Variants in LRRC32 observed in about 807,000 individuals in gnomAD.
LRRC32 encodes the protein transforming growth factor beta activator LRRC32.
LRRC32 carries 5 observed loss-of-function variants against 15.0 expected under a neutral mutation model. That is an observed-to-expected ratio of 0.33 (90% confidence interval 0.17 to 0.70). The LOEUF (loss-of-function observed/expected upper bound fraction) is 0.70. Among genes scored for constraint, LRRC32 ranks in the 30% least tolerant of loss-of-function variants. The pLI is 0.66. For synonymous variants in LRRC32, 391 were observed against 403.9 expected, an observed-to-expected ratio of 0.97 and a Z score of 0.38; for missense variants, 803 against 854.2, an observed-to-expected ratio of 0.94 and a Z score of 0.75.
At chr11:76,665,334 G>C (rs533271773) in intron 2 of LRRC32, among the ~76,000 whole-genome samples, 13 of 152,136 alleles carry the variant, frequency 8.5e-5, no homozygotes, top group South Asian at 2.1e-4. Flanking sequence ...GATCAGACTA[G>C]GCCAGCCTGG....
In LRRC32 at chr11:76,660,105, C is replaced by T. The variant is rs570522536; in HGVS notation, c.1488G>A (p.Leu496=). 1.1e-5 allele frequency: 18 copies of T among 1,613,874 alleles called. No homozygotes were observed. In the East Asian group the frequency reaches 2.0e-4, roughly 18 times the overall value. Residue 496 remains leucine (L), a synonymous_variant, in exon 3 of 3, where the codon CTG becomes CTA. Transcript: ENST00000260061. ...CCATCAGCCCGTTGCCCTGCAGTGC[C>T]AGGACCTCCAAGGAGGCCTCCAGGC... The part of the protein sequence containing the change: ...LGGLEASLEV[L]ALQGNGLMVL...
Position 76,660,767 on chromosome 11 carries a change from GGTT to G in LRRC32, c.823_825del (p.Asn275del). ...GGTGGCCCTGTGGGGAGCCGGATGAGGTTGTTGGACAAGTTCAGGTAGATGAGT... is the reference window on the plus strand; with the variant it reads ...GGTGGCCCTGTGGGGAGCCGGATGAGGTTGGACAAGTTCAGGTAGATGAGT... On this transcript the variant is annotated inframe_deletion, in exon 3 of 3. Coordinates refer to ENST00000260061, the MANE Select transcript of LRRC32 (RefSeq NM_001128922.2). 1 of 1,614,142 alleles carries G rather than the reference GGTT, an allele frequency of 6.2e-7. No homozygotes were observed. The highest frequency in any genetic ancestry group is 8.5e-7 in the Non-Finnish European group (1 of 1,180,018).
intron 1 of LRRC32, among the ~76,000 whole-genome samples, chr11:76,667,055 A>G (rs11236843): frequency 0.13 from 20,116 of 152,210 alleles, 1,425 homozygotes; most frequent in African/African-American, 0.17. Context: ...TCTGAGCCTC[A>G]GTCTCCTCAT....
At chr11:76,666,918 CAGAG>C (rs374001114) in intron 1 of LRRC32, among the ~76,000 whole-genome samples, 3 of 152,222 alleles carry the variant, frequency 2.0e-5, no homozygotes, top group Admixed American at 2.0e-4. Flanking sequence ...GTGATACAGA[CAGAG>C]AGTCTTAAAG....
chr11:76,660,649 G>A lies in LRRC32; in HGVS notation c.944C>T (p.Ser315Phe), dbSNP rs776721737. Reference sequence around the variant, plus strand: ...GCTCAAATCCAGATTCAAGAGCTGGGAAAGGGGGCGGCCGCTGGCATTCCC... The same window carrying A: ...GCTCAAATCCAGATTCAAGAGCTGGAAAAGGGGGCGGCCGCTGGCATTCCC... ...PSGNASGRPL[S>F]QLLNLDLSYN... The change falls in exon 3 of 3, where the codon TCC becomes TTC. Residue 315 changes from serine (S) to phenylalanine (F), a missense_variant. Coordinates refer to ENST00000260061, the MANE Select transcript of LRRC32 (RefSeq NM_001128922.2). 9.9e-6 allele frequency: 16 copies of A among 1,614,042 alleles called. No individual in the cohort carries two copies. In the Admixed American group the frequency reaches 1.3e-4, roughly 13 times the overall value.
At position 76,661,221 on chromosome 11, in the gene LRRC32, T is replaced by C. The variant is rs779391100; in HGVS notation, c.372A>G (p.Pro124=). The change falls in exon 3 of 3, where the codon CCA becomes CCG. Residue 124 remains proline, a synonymous_variant. Coordinates refer to ENST00000260061, the MANE Select transcript of LRRC32 (RefSeq NM_001128922.2). ...CAGACAGGTCCAGGGAGGTCACGCG[T>C]GGCAGGGGGCCCAGGCCACCAGCAC... The part of the protein sequence containing the change: ...ALSAGGLGPL[P]RVTSLDLSGN... The C allele has an allele frequency of 3.1e-6, 5 of 1,613,790 alleles. No homozygotes were observed. The Admixed American group carries it at 8.3e-5, about 27-fold the overall frequency.
chr11:76,664,401 G>A (rs1205230752), intron 2 of LRRC32, among the ~76,000 whole-genome samples: 2 of 152,208 alleles, frequency 1.3e-5, no homozygotes, highest in African/African-American at 2.4e-5. Flanking sequence ...CTGACTTACC[G>A]TCGGAGGGAA....
At position 76,659,567 on chromosome 11, in the gene LRRC32, A is replaced by G; in HGVS notation, c.*37T>C. 1 of 1,593,352 alleles carries G rather than the reference A, an allele frequency of 6.3e-7. No homozygotes were observed. Among genetic ancestry groups the G allele is most frequent in the African/African-American group, 1.3e-5 (1 of 74,728 alleles). ...CAGTCCTCACTCTTCTCTGTACCTC[A>G]GGCTCCCCCACTGACCTAGAGTGTC... On this transcript the variant is annotated 3_prime_UTR_variant, in exon 3 of 3. Coordinates refer to ENST00000260061, the MANE Select transcript of LRRC32 (RefSeq NM_001128922.2).
In LRRC32 at chr11:76,660,716, G is replaced by A. The variant is rs770052705; in HGVS notation, c.877C>T (p.Pro293Ser). 10 of 1,614,024 alleles carry A rather than the reference G, an allele frequency of 6.2e-6. No homozygotes were observed. The East Asian group carries it at 2.0e-4, about 32-fold the overall frequency. The change falls in exon 3 of 3, where the codon CCT becomes TCT. Residue 293 changes from proline (P) to serine (S), a missense_variant. Pro to Ser is a moderately conservative substitution (Grantham distance 74). Coordinates refer to ENST00000260061, the MANE Select transcript of LRRC32 (RefSeq NM_001128922.2). ...GGCAGGGCTGACCAGCCCTCGGAAG[G>A]TGCGTGGATGCCCTTGCTGTCCTGG... ...PPQDSKGIHA[P>S]SEGWSALPLS...
intron 1 of LRRC32, among the ~76,000 whole-genome samples, chr11:76,668,276 C>A (rs1402716118): frequency 6.6e-6 from 1 of 152,148 alleles, no homozygotes; most frequent in Admixed American, 6.5e-5. Context: ...GACCCCGGAT[C>A]TTCCTACTTC....
rs540984588 is a variant in LRRC32 at position 76,659,931 on chromosome 11, A to G, written c.1662T>C (p.Ser554=). The change falls in exon 3 of 3, where the codon AGT becomes AGC. Residue 554 remains serine, a synonymous_variant. Transcript: ENST00000260061. ...GGCTGGTCTCCAGGCCACCCATGGC[A>G]CTGCCTGGCAGGAGGCTGAAGCTGT... is the stretch of plus-strand genomic sequence containing the variant. ...RNNSFSLLPG[S]AMGGLETSLR... The G allele has an allele frequency of 6.2e-7, 1 of 1,613,760 alleles. No individual in the cohort carries two copies. The highest frequency in any genetic ancestry group is 1.1e-5 in the South Asian group (1 of 91,054).
chr11:76,666,031 A>C, intron 1 of LRRC32, 73 bp from the exon 2 acceptor site: 1 of 1,392,706 alleles, frequency 7.2e-7, no homozygotes, highest in Non-Finnish European at 1.0e-6. Flanking sequence ...CCCCACTCCC[A>C]CCCATTCTGT....
At chr11:76,664,083 C>T (rs994001747) in intron 2 of LRRC32, among the ~76,000 whole-genome samples, 5 of 152,152 alleles carry the variant, frequency 3.3e-5, no homozygotes, top group African/African-American at 4.8e-5. Flanking sequence ...TGCTGTGCCC[C>T]GCGTGTTACC....
Position 76,661,202 on chromosome 11 carries a change from G to A in LRRC32, c.391C>T (p.Leu131=). 1.2e-6 allele frequency: 2 copies of A among 1,613,830 alleles called. No individual in the cohort carries two copies. Among genetic ancestry groups the A allele is most frequent in the Non-Finnish European group, 1.7e-6 (2 of 1,179,930 alleles). Residue 131 remains leucine (L), a synonymous_variant, in exon 3 of 3, where the codon CTG becomes TTG. Transcript: ENST00000260061. The part of the protein sequence containing the change: ...GPLPRVTSLD[L]SGNSLYSGLL... ...CCGCTGTACAGGCTGTTCCCAGACA[G>A]GTCCAGGGAGGTCACGCGTGGCAGG...
chr11:76,670,314 C>T (rs1952691414), intron 1 of LRRC32, among the ~76,000 whole-genome samples: 1 of 152,210 alleles, frequency 6.6e-6, no homozygotes, highest in South Asian at 2.1e-4. Flanking sequence ...TTCCGGTTTG[C>T]CCTTGCCTAG....
At chr11:76,669,392 A>T (rs972598202) in intron 1 of LRRC32, among the ~76,000 whole-genome samples, 53 of 145,758 alleles carry the variant, frequency 3.6e-4, no homozygotes, top group Middle Eastern at 3.6e-3. Flanking sequence ...TGTGTGAGAG[A>T]GAGAGAGAGA....
rs1952498613 is a variant in LRRC32 at position 76,660,448 on chromosome 11, G to A, written c.1145C>T (p.Ala382Val). The A allele has an allele frequency of 2.5e-6, 4 of 1,613,722 alleles. No homozygotes were observed. In the South Asian group the frequency reaches 4.4e-5, roughly 18 times the overall value. ...CGTCCGCAGAGACCCCAGGGCTCTG[G>A]CGCCCAGTTCCAGTGTCTCCAGGGC... ...HNALETLELG[A>V]RALGSLRTLL... Residue 382 changes from alanine to valine, a missense_variant, in exon 3 of 3, where the codon GCC (alanine) becomes GTC (valine). Transcript: ENST00000260061.
chr11:76,660,140 C>T lies in LRRC32; in HGVS notation c.1453G>A (p.Ala485Thr), dbSNP rs1952488106. Reference protein sequence around the residue: ...SNPGLEVATGALGGLEASLEV... With the variant: ...SNPGLEVATGTLGGLEASLEV... ...AAGGAGGCCTCCAGGCCTCCCAAGG[C>T]CCCCGTGGCCACCTCCAGCCCAGGA... is the stretch of plus-strand genomic sequence containing the variant. The change falls in exon 3 of 3, where the codon GCC (alanine) becomes ACC (threonine). Residue 485 changes from alanine (A) to threonine (T), a missense_variant. By Grantham distance (58) the Ala-to-Thr change is moderately conservative (BLOSUM62 0). Coordinates refer to ENST00000260061, the MANE Select transcript of LRRC32 (RefSeq NM_001128922.2). The T allele has an allele frequency of 6.2e-7, 1 of 1,606,028 alleles. No individual in the cohort carries two copies. Among genetic ancestry groups the T allele is most frequent in the Non-Finnish European group, 8.5e-7 (1 of 1,176,494 alleles).
chr11:76,660,595 C>T lies in LRRC32; in HGVS notation c.998G>A (p.Ser333Asn). ...CAGGGAGGTCAGGTGCTCAAGAAAG[C>T]TGTCGGGGATGAGCTCAATCTCATT... ...SYNEIELIPD[S>N]FLEHLTSLCF... is the part of the protein sequence containing the mutation. The change falls in exon 3 of 3, where the codon AGC (serine) becomes AAC (asparagine). Residue 333 changes from serine to asparagine, a missense_variant. Coordinates refer to ENST00000260061, the MANE Select transcript of LRRC32 (RefSeq NM_001128922.2). 3 of 1,614,190 alleles carry T rather than the reference C, an allele frequency of 1.9e-6. No individual in the cohort carries two copies. The highest frequency in any genetic ancestry group is 2.5e-6 in the Non-Finnish European group (3 of 1,180,030).
Sources: allele counts gnomAD v4.1 joint callset (sites outside exome capture counted in the v4.1 genomes callset), GRCh38; gene constraint gnomAD v4.1.1; transcripts MANE v1.5; gene names NCBI Gene and HGNC (gene_info 2026-07-23, HGNC 2026-07-21).